PDK3: variants seen among roughly 807,000 people sequenced by gnomAD.
The protein encoded by PDK3 is pyruvate dehydrogenase kinase 3, also known as pyruvate dehydrogenase kinase, isozyme 3.
PDK3 carries 12 observed loss-of-function variants against 32.0 expected under a neutral mutation model. That is an observed-to-expected ratio of 0.37 (90% CI 0.24 to 0.61). The LOEUF (loss-of-function observed/expected upper bound fraction) is 0.61. PDK3 is among the 20% of genes least tolerant of loss of function. The probability of loss-of-function intolerance (pLI) is 0.65; values close to 1 mark genes in which losing one functional copy is unlikely to be tolerated. For synonymous variants in PDK3, 122 were observed against 116.3 expected, an observed-to-expected ratio of 1.05 and a Z score of -0.31; for missense variants, 188 against 316.9, an observed-to-expected ratio of 0.59 and a Z score of 3.09.
intron 6 of PDK3, among the ~76,000 whole-genome samples, chrX:24,525,731 C>T (rs183883670): frequency 9.8e-5 from 11 of 112,215 alleles, no homozygotes; most frequent in Admixed American, 7.5e-4. Flanking sequence ...TATAAGATGC[C>T]TTGTTTGTCA....
At chrX:24,478,112 G>A (rs1921155768) in intron 1 of PDK3, among the ~76,000 whole-genome samples, 1 of 111,590 alleles carries the variant, frequency 9.0e-6, no homozygotes. Flanking sequence ...GTTACGTGGT[G>A]TTTTAGGGTT....
intron 5 of PDK3, among the ~76,000 whole-genome samples, chrX:24,511,306 T>A (rs1231448679): frequency 2.7e-5 from 3 of 112,880 alleles, no homozygotes; most frequent in East Asian, 5.5e-4. Flanking sequence ...CACTATCCTC[T>A]GAGATTTCTT....
downstream of PDK3, among the ~76,000 whole-genome samples, chrX:24,534,602 A>G (rs1279324951): frequency 8.9e-6 from 1 of 112,443 alleles, no homozygotes; most frequent in Non-Finnish European, 1.9e-5. Context: ...TGCTTGCACA[A>G]CAGCGTGAAT....
downstream of PDK3, among the ~76,000 whole-genome samples, chrX:24,538,290 A>T (rs765806495): frequency 1.5e-3 from 171 of 112,469 alleles, no homozygotes; most frequent in African/African-American, 5.2e-3. Context: ...AAATTTTAAA[A>T]TGCTTAGCCT....
rs574121798 is a variant in PDK3, at chrX:24,530,376, G to C, written c.964-1281G>C. On this transcript the variant is annotated intron_variant, in intron 9 of 10. Coordinates refer to ENST00000379162, the MANE Select transcript of PDK3 (RefSeq NM_005391.5). Reference sequence around the variant, plus strand: ...GCTGCTCCTAGTAGCCATAGTACCAGCCTCAATTTATTTAGTTTTACTGTG... The same window carrying C: ...GCTGCTCCTAGTAGCCATAGTACCACCCTCAATTTATTTAGTTTTACTGTG... 1.4e-4 allele frequency among the ~76,000 whole-genome samples: 16 copies of C among 111,719 alleles called. No homozygotes were observed. In the South Asian group the frequency reaches 6.0e-3, roughly 42 times the overall value.
chrX:24,512,594 C>T (rs1371128814), intron 5 of PDK3, among the ~76,000 whole-genome samples: 1 of 111,411 alleles, frequency 9.0e-6, no homozygotes, highest in African/African-American at 3.3e-5. Context: ...GAAACCCCAT[C>T]TCTGCTAAAA....
At chrX:24,485,426 T>C (rs1921373419) in intron 1 of PDK3, among the ~76,000 whole-genome samples, 1 of 111,597 alleles carries the variant, frequency 9.0e-6, no homozygotes, top group African/African-American at 3.3e-5. Flanking sequence ...TTCTCAGGTC[T>C]AGAACACTCT....
intron 8 of PDK3, among the ~76,000 whole-genome samples, 153 bp from the exon 9 acceptor site, chrX:24,527,923 C>T (rs950332461): frequency 8.9e-6 from 1 of 112,363 alleles, no homozygotes; most frequent in Non-Finnish European, 1.9e-5. Flanking sequence ...TTGTTTTACA[C>T]TGTTCACAAA....
At chrX:24,472,089 T>A (rs1404658049) in intron 1 of PDK3, among the ~76,000 whole-genome samples, 1 of 112,291 alleles carries the variant, frequency 8.9e-6, no homozygotes, top group Non-Finnish European at 1.9e-5. Flanking sequence ...TGTTGCTTTC[T>A]GTTTTTAATA....
At chrX:24,505,147 C>T in intron 4 of PDK3, 62 bp from the exon 5 acceptor site, 1 of 804,035 alleles carries the variant, frequency 1.2e-6, no homozygotes, top group South Asian at 2.4e-5. Context: ...CTATATTTCC[C>T]TGTGTGACCA....
chrX:24,485,662 CAAGGTAAAGGACAA>C (rs1921380978), intron 1 of PDK3, among the ~76,000 whole-genome samples: 2 of 111,941 alleles, frequency 1.8e-5, no homozygotes, highest in Admixed American at 1.9e-4. Flanking sequence ...TCCCTATCGG[CAAGGTAAAGGACAA>C]AAGGGGGTTC....
At chrX:24,527,776 G>A (rs770285840) in intron 8 of PDK3, 101 bp downstream of exon 8, 2 of 529,114 alleles carry the variant, frequency 3.8e-6, no homozygotes, top group Admixed American at 4.0e-5. Context: ...TTTATTGAGT[G>A]TCCTGTTTGT....
intron 1 of PDK3, among the ~76,000 whole-genome samples, chrX:24,480,006 C>T (rs1056488070): frequency 1.8e-5 from 2 of 111,071 alleles, no homozygotes; most frequent in Non-Finnish European, 1.9e-5. Flanking sequence ...CCCGCCTGAT[C>T]GTCTTACCAC....
intron 1 of PDK3, 107 bp from the exon 2 acceptor site, chrX:24,494,635 A>G (rs752315654): frequency 3.3e-5 from 16 of 480,472 alleles, no homozygotes; most frequent in Middle Eastern, 1.2e-3. Context: ...CTGCAGGATT[A>G]TTTAATTTTC....
At chrX:24,530,118 C>T (rs1922616593) in intron 9 of PDK3, among the ~76,000 whole-genome samples, 1 of 111,797 alleles carries the variant, frequency 8.9e-6, no homozygotes, top group South Asian at 3.7e-4. Flanking sequence ...ACATAGAAGG[C>T]AGATTTGCTC....
chrX:24,519,442 T>C (rs1048679628), intron 6 of PDK3, among the ~76,000 whole-genome samples: 2 of 101,568 alleles, frequency 2.0e-5, no homozygotes, highest in Non-Finnish European at 4.0e-5. Flanking sequence ...TGATCCCAGC[T>C]CACTGCAGCC....
intron 6 of PDK3, 57 bp downstream of exon 6, chrX:24,519,067 A>ATGT: frequency 2.7e-6 from 2 of 730,782 alleles, no homozygotes; most frequent in Non-Finnish European, 2.1e-6. Context: ...GAAGCTGTTT[A>ATGT]TACCTAAGCC....
chrX:24,543,741 G>A (rs1415284529), exon 12 of PDK3, among the ~76,000 whole-genome samples: 1 of 111,592 alleles, frequency 9.0e-6, no homozygotes, highest in East Asian at 2.8e-4. Flanking sequence ...GAGCCACCGC[G>A]CCCAGCCTAG....
exon 12 of PDK3, among the ~76,000 whole-genome samples, chrX:24,541,571 C>T (rs1341057945): frequency 8.9e-6 from 1 of 112,399 alleles, no homozygotes; most frequent in Non-Finnish European, 1.9e-5. Context: ...TCCATCTGAC[C>T]CCAGTACAAC....
Sources: gnomAD v4.1 joint callset for allele counts (sites outside exome capture counted in the v4.1 genomes callset) on GRCh38, gnomAD v4.1.1 for gene constraint, MANE v1.5 for transcripts, NCBI Gene and HGNC (gene_info 2026-07-23, HGNC 2026-07-21) for gene names.